MAGI1: variants seen among roughly 807,000 people sequenced by gnomAD.
The protein encoded by MAGI1 is membrane-associated guanylate kinase, WW and PDZ domain-containing protein 1.
A neutral mutation model predicts 139.9 loss-of-function variants in MAGI1; 58 were observed. The ratio of observed to expected loss-of-function variants is 0.41; its 90% CI spans 0.34 to 0.52. The LOEUF is 0.52. Ranked by LOEUF, MAGI1 falls within the 20% of genes least tolerant of loss-of-function variation. MAGI1 has a pLI of 0.12. For synonymous variants in MAGI1, 812 were observed against 737.9 expected (o/e 1.10, Z -1.63); for missense variants, 1,874 against 1,901.6 (o/e 0.99, Z 0.27).
At chr3:65,746,063 T>A (rs1180434187) in intron 1 of MAGI1, among the ~76,000 whole-genome samples, 1 of 151,598 alleles carries the variant, frequency 6.6e-6, no homozygotes, top group East Asian at 1.9e-4. Flanking sequence ...TTAGATGGAG[T>A]CTTGCTCTGT....
intron 5 of MAGI1, among the ~76,000 whole-genome samples, chr3:65,463,680 G>A (rs543766042): frequency 5.3e-5 from 8 of 151,334 alleles, no homozygotes; most frequent in Non-Finnish European, 1.0e-4. Context: ...TCTATTGCTT[G>A]GAATAGTTTC....
chr3:65,630,326 G>C (rs2084220572), intron 1 of MAGI1, among the ~76,000 whole-genome samples: 2 of 152,142 alleles, frequency 1.3e-5, no homozygotes, highest in South Asian at 4.1e-4. Flanking sequence ...AGGAGGATGA[G>C]AGGCTAGCTA....
chr3:65,364,724 T>C lies in MAGI1; in HGVS notation c.3292A>G (p.Asn1098Asp). ...PSQQGTQETR[N>D]TTKPKQESQF... ...GATTCCTGCTTTGGTTTGGTGGTAT[T>C]CCTGCCAAAGTGAAAGAAATAAATA... is the stretch of plus-strand genomic sequence containing the variant. Residue 1098 changes from asparagine (N) to aspartate (D), a missense_variant and splice_region_variant, in exon 20 of 23, where the codon AAT becomes GAT. Asn to Asp is a conservative substitution (Grantham distance 23). This residue lies in a region of MAGI1 where 653 missense variants were observed against 644.5 expected (regional missense o/e 1.01). Coordinates refer to ENST00000402939, the MANE Select transcript of MAGI1 (RefSeq NM_001033057.2). The C allele has an allele frequency of 6.2e-7, 1 of 1,614,000 alleles. No individual in the cohort carries two copies. The highest frequency in any genetic ancestry group is 2.2e-5 in the East Asian group (1 of 44,872).
intron 1 of MAGI1, among the ~76,000 whole-genome samples, chr3:66,014,713 C>G (rs1424925388): frequency 6.6e-6 from 1 of 152,188 alleles, no homozygotes; most frequent in African/African-American, 2.4e-5. Flanking sequence ...CAAATCATTT[C>G]AAGACCAAGA....
At chr3:65,996,883 T>A (rs2066478325) in intron 1 of MAGI1, among the ~76,000 whole-genome samples, 1 of 152,234 alleles carries the variant, frequency 6.6e-6, no homozygotes, top group African/African-American at 2.4e-5. Context: ...ATGACTAGCA[T>A]ACTTGCTTCT....
intron 1 of MAGI1, among the ~76,000 whole-genome samples, chr3:65,793,802 T>A (rs1434916607): frequency 2.6e-5 from 4 of 152,204 alleles, no homozygotes; most frequent in African/African-American, 7.2e-5. Context: ...AAGGAATAGA[T>A]CAAGAAAATA....
chr3:65,467,065 G>C (rs1007244866), intron 5 of MAGI1, among the ~76,000 whole-genome samples: 6 of 152,234 alleles, frequency 3.9e-5, no homozygotes, highest in African/African-American at 1.4e-4. Flanking sequence ...TTTAAGTCTG[G>C]ATAAATGGAG....
intron 1 of MAGI1, among the ~76,000 whole-genome samples, chr3:65,638,760 C>T (rs572817483): frequency 2.2e-4 from 34 of 152,112 alleles, no homozygotes; most frequent in Middle Eastern, 6.8e-3. Flanking sequence ...GCATGTGCCA[C>T]TGCACCCAGC....
At chr3:65,839,478 T>C (rs1356933936) in intron 1 of MAGI1, among the ~76,000 whole-genome samples, 1 of 152,086 alleles carries the variant, frequency 6.6e-6, no homozygotes, top group Non-Finnish European at 1.5e-5. Context: ...AGGACATTGT[T>C]ACAGGAAATG....
At chr3:65,596,165 GA>G (rs2082185578) in intron 2 of MAGI1, among the ~76,000 whole-genome samples, 2 of 152,142 alleles carry the variant, frequency 1.3e-5, no homozygotes, top group African/African-American at 4.8e-5. Flanking sequence ...CCTTATAGAT[GA>G]TAAAAGACAA....
intron 1 of MAGI1, among the ~76,000 whole-genome samples, chr3:65,748,819 G>T (rs558955169): frequency 6.6e-6 from 1 of 152,300 alleles, no homozygotes; most frequent in Non-Finnish European, 1.5e-5. Flanking sequence ...GGGGATTGAT[G>T]TTTGGCCAGG....
At chr3:65,685,222 T>A (rs895531472) in intron 1 of MAGI1, among the ~76,000 whole-genome samples, 1 of 151,708 alleles carries the variant, frequency 6.6e-6, no homozygotes, top group African/African-American at 2.4e-5. Flanking sequence ...GCATACTGCA[T>A]AACAGAAGTG....
chr3:65,781,202 A>AC (rs2038903923), intron 1 of MAGI1, among the ~76,000 whole-genome samples: 1 of 152,142 alleles, frequency 6.6e-6, no homozygotes, highest in Non-Finnish European at 1.5e-5. Context: ...TCTCAAAAAA[A>AC]AAAAGAACAA....
chr3:65,673,028 C>T (rs2086960390), intron 1 of MAGI1, among the ~76,000 whole-genome samples: 3 of 151,854 alleles, frequency 2.0e-5, no homozygotes, highest in Non-Finnish European at 2.9e-5. Context: ...ATATTTGTTC[C>T]CAACTCAAAA....
At chr3:65,978,900 T>C (rs1375003733) in intron 1 of MAGI1, among the ~76,000 whole-genome samples, 3 of 152,160 alleles carry the variant, frequency 2.0e-5, no homozygotes, top group Non-Finnish European at 4.4e-5. Flanking sequence ...GTGCTGGGAT[T>C]ACAGGTGTGA....
At chr3:65,711,430 C>T (rs1325130098) in intron 1 of MAGI1, among the ~76,000 whole-genome samples, 2 of 152,024 alleles carry the variant, frequency 1.3e-5, no homozygotes, top group Non-Finnish European at 1.5e-5. Flanking sequence ...TAATTCAAAA[C>T]TCCAAAATTT....
chr3:65,630,588 G>A (rs1275062516), intron 1 of MAGI1, among the ~76,000 whole-genome samples: 1 of 152,148 alleles, frequency 6.6e-6, no homozygotes, highest in Admixed American at 6.5e-5. Flanking sequence ...GAAGCTGGAG[G>A]CCATTATTCT....
intron 2 of MAGI1, among the ~76,000 whole-genome samples, chr3:65,519,303 G>A (rs528563640): frequency 4.0e-5 from 6 of 150,894 alleles, no homozygotes; most frequent in Admixed American, 2.0e-4. Context: ...GGAAGCCACT[G>A]GAAAGTTTTC....
chr3:65,446,805 T>G (rs1948710357), intron 7 of MAGI1, among the ~76,000 whole-genome samples: 1 of 152,208 alleles, frequency 6.6e-6, no homozygotes, highest in Non-Finnish European at 1.5e-5. Context: ...CCTCTCACAA[T>G]GACCACAAAG....
Sources: allele counts gnomAD v4.1 joint callset (sites outside exome capture counted in the v4.1 genomes callset), GRCh38; gene constraint gnomAD v4.1.1; regional missense constraint gnomAD v4.1.1; transcripts MANE v1.5; gene names NCBI Gene and HGNC (gene_info 2026-07-23, HGNC 2026-07-21).